CHRNG: variants seen among roughly 807,000 people sequenced by gnomAD.
CHRNG encodes acetylcholine receptor subunit gamma.
CHRNG carries 72 observed loss-of-function variants against 65.2 expected under a neutral mutation model. That is an observed-to-expected ratio of 1.10 (90% confidence interval 0.91 to 1.34). The LOEUF is 1.34. Among genes scored for constraint, CHRNG ranks in the 40% most tolerant of loss-of-function variants. The pLI is 0.00. For missense variants in CHRNG, 637 were observed against 680.1 expected (o/e 0.94, Z 0.70); for synonymous variants, 284 against 290.2 (o/e 0.98, Z 0.22).
In CHRNG at chr2:232,544,405, C is replaced by T. The variant is rs761581720; in HGVS notation, c.1074C>T (p.His358=). 1.2e-5 allele frequency: 20 copies of T among 1,613,418 alleles called. No homozygotes were observed. Among genetic ancestry groups the T allele is most frequent in the South Asian group, 8.8e-5 (8 of 91,092 alleles). Residue 358 remains histidine, a synonymous_variant, in exon 10 of 12, where the codon CAC becomes CAT. Transcript: ENST00000651502. The stretch of plus-strand genomic sequence containing the variant: ...TCTTGCCCCAGCTGCTGAGGATGCA[C>T]GTTCGCCCGCTGGCCCCGGCAGCTG... ...LRLLPQLLRM[H]VRPLAPAAVQ... is the part of the protein sequence containing the mutation.
At chr2:232,544,682 G>A in intron 10 of CHRNG, 90 bp from the exon 11 acceptor site, 1 of 1,568,528 alleles carries the variant, frequency 6.4e-7, no homozygotes, top group Non-Finnish European at 8.8e-7. Flanking sequence ...AGGTCAGGGA[G>A]AGAGGAGCTG....
At position 232,540,607 on chromosome 2, in the gene CHRNG, G is replaced by A; in HGVS notation, c.246G>A (p.Trp82Ter). The A allele has an allele frequency of 6.2e-7, 1 of 1,611,616 alleles. No homozygotes were observed. The highest frequency in any genetic ancestry group is 8.5e-7 in the Non-Finnish European group (1 of 1,179,870). ...LTTNVWIEMQ[W>*]CDYRLRWDPR... Reference sequence around the variant, plus strand: ...AACTGCCCCTCCCCCTGCAGCAGTGGTGCGACTATCGCCTGCGCTGGGATC... The same window carrying A: ...AACTGCCCCTCCCCCTGCAGCAGTGATGCGACTATCGCCTGCGCTGGGATC... The change falls in exon 4 of 12, where the codon TGG becomes TGA. Residue 82 changes from tryptophan (W) to a stop codon, truncating the protein, a stop_gained. Coordinates refer to ENST00000651502, the MANE Select transcript of CHRNG (RefSeq NM_005199.5). LOFTEE classifies it high-confidence loss of function. The surrounding 1 kb of genome is among the most constrained non-coding windows in gnomAD (Gnocchi z 4.2).
rs1304422315 is a variant in CHRNG at position 232,541,623 on chromosome 2, C to T, written c.506+94C>T. ...GCCTGGGCAAGGCTTCTGGCCTTGG[C>T]TCTGGCAGCACCTAGAGGCCTGGCT... On this transcript the variant is annotated intron_variant, in intron 5 of 11. Coordinates refer to ENST00000651502, the MANE Select transcript of CHRNG (RefSeq NM_005199.5). This position sits in a 1 kb window ranked among gnomAD's most constrained non-coding sequence, Gnocchi z 4.0. 2.0e-6 allele frequency: 3 copies of T among 1,485,892 alleles called. No individual in the cohort carries two copies. The highest frequency in any genetic ancestry group is 2.8e-6 in the Non-Finnish European group (3 of 1,076,442). 92.0% of individuals were successfully genotyped at this position (1,485,892 alleles called of 1,614,324 possible).
At chr2:232,545,443 A>G (rs1183203001) in intron 11 of CHRNG, 100 bp from the exon 12 acceptor site, 2 of 1,100,288 alleles carry the variant, frequency 1.8e-6, no homozygotes, top group Non-Finnish European at 2.7e-6. Context: ...GGCCCCAGGA[A>G]ATGGAGACAT....
rs560260408 is a variant in CHRNG at position 232,540,863 on chromosome 2, G to A, written c.350+152G>A. ...GGAAGAACTGGATGGAGCAGGTGCC[G>A]AGGGCAGGGCCCTGGGTATGCCCTC... On this transcript the variant is annotated intron_variant, in intron 4 of 11. Transcript: ENST00000651502. This position sits in a 1 kb window ranked among gnomAD's most constrained non-coding sequence, Gnocchi z 4.2. 41 of 745,134 alleles carry A rather than the reference G, an allele frequency of 5.5e-5. 1 individual carries two copies. Among genetic ancestry groups the A allele is most frequent in the South Asian group, 3.1e-4 (19 of 60,564 alleles). The allele number at this position is 745,134 out of a possible 1,614,324, so 46.2% of individuals were successfully genotyped here. A position where few individuals can be genotyped will look rare whatever the true frequency, so the allele number is the denominator to read the frequency against.
chr2:232,541,297 C>T lies in CHRNG; in HGVS notation c.351-77C>T, dbSNP rs1053900168. The T allele has an allele frequency of 1.9e-6, 3 of 1,569,910 alleles. No homozygotes were observed. The highest frequency in any genetic ancestry group is 2.6e-6 in the Non-Finnish European group (3 of 1,144,224). On this transcript the variant is annotated intron_variant, in intron 4 of 11. Transcript: ENST00000651502. This position sits in a 1 kb window ranked among gnomAD's most constrained non-coding sequence, Gnocchi z 4.0. ...TCCCCAGGCCCCTATCCACATGGGG[C>T]ACAGGGGCTGGTCTGGGGCTGGGGT...
In CHRNG at chr2:232,546,851, A is replaced by G. The variant is rs1692142619; in HGVS notation, c.*1135A>G. Among the ~76,000 whole-genome samples, 1 of 152,154 alleles carries G rather than the reference A, an allele frequency of 6.6e-6. No homozygotes were observed. ...AGGCCCTTCTTCCCAAAGGATGGTT[A>G]AGACAAGGAAGAGCTAGGCAAGAGG... On this transcript the variant is annotated 3_prime_UTR_variant, in exon 12 of 12. Transcript: ENST00000651502.
At position 232,540,234 on chromosome 2, in the gene CHRNG, C is replaced by T. The variant is rs1196376019; in HGVS notation, c.195+103C>T. The T allele has an allele frequency of 7.5e-6, 12 of 1,605,250 alleles. No homozygotes were observed. Among genetic ancestry groups the T allele is most frequent in the East Asian group, 4.5e-5 (2 of 44,794 alleles). ...ACCAAGAGGTTGGAGGGCCCTAAAT[C>T]GGACAGGCTGGGGTCTGGAAAACCC... On this transcript the variant is annotated intron_variant, in intron 2 of 11. Transcript: ENST00000651502. The surrounding 1 kb of genome is among the most constrained non-coding windows in gnomAD (Gnocchi z 4.2).
intron 1 of CHRNG, 61 bp downstream of exon 1, chr2:232,539,863 G>T: frequency 6.2e-7 from 1 of 1,609,082 alleles, no homozygotes; most frequent in Non-Finnish European, 8.5e-7. Flanking sequence ...AGCCTCAGGG[G>T]ATGGAGGGTC....
chr2:232,540,207 C>A lies in CHRNG; in HGVS notation c.195+76C>A. The A allele has an allele frequency of 1.9e-6, 3 of 1,612,384 alleles. No individual in the cohort carries two copies. Among genetic ancestry groups the A allele is most frequent in the Non-Finnish European group, 2.5e-6 (3 of 1,178,844 alleles). ...TGGGGATAGCATGGGGTGGCTCCAG[C>A]CACCAAGAGGTTGGAGGGCCCTAAA... On this transcript the variant is annotated intron_variant, in intron 2 of 11. Coordinates refer to ENST00000651502, the MANE Select transcript of CHRNG (RefSeq NM_005199.5). This position sits in a 1 kb window ranked among gnomAD's most constrained non-coding sequence, Gnocchi z 4.2.
Position 232,541,112 on chromosome 2 carries a change from A to G in CHRNG, c.351-262A>G, listed in dbSNP as rs1175569069. Among the ~76,000 whole-genome samples the G allele has an allele frequency of 3.7e-3, 557 of 151,074 alleles. 2 individuals are homozygous for G. The highest frequency in any genetic ancestry group is 0.013 in the African/African-American group (519 of 41,048). On this transcript the variant is annotated intron_variant, in intron 4 of 11. Transcript: ENST00000651502. This position sits in a 1 kb window ranked among gnomAD's most constrained non-coding sequence, Gnocchi z 4.0. ...TATTATGACTATTATTATTATTATT[A>G]TTATTATGATTAAAACAAGAGAGAG...
chr2:232,546,036 A>C lies in CHRNG; in HGVS notation c.*320A>C, dbSNP rs1692127430. ...GCATTATTCATTCCCATCAGTCTGA[A>C]GCCCGAAGGACTGTTTTGTATAATA... On this transcript the variant is annotated 3_prime_UTR_variant, in exon 12 of 12. Coordinates refer to ENST00000651502, the MANE Select transcript of CHRNG (RefSeq NM_005199.5). 3 of 457,234 alleles carry C rather than the reference A, an allele frequency of 6.6e-6. No homozygotes were observed. The highest frequency in any genetic ancestry group is 1.2e-5 in the Non-Finnish European group (3 of 245,528). The allele number at this position is 457,234 out of a possible 1,614,324, so 28.3% of individuals were successfully genotyped here.
chr2:232,542,573 AC>A, intron 6 of CHRNG, 53 bp downstream of exon 6: 1 of 1,278,120 alleles, frequency 7.8e-7, no homozygotes, highest in Non-Finnish European at 1.1e-6. Flanking sequence ...CTCCTGCTGG[AC>A]CCAGCTGTGG....
In CHRNG at chr2:232,541,543, T is replaced by C. The variant is rs200980501; in HGVS notation, c.506+14T>C. ...CCTTATCTTCCAGTGAGGCCATTTA[T>C]TGGGGAGGATTAAGAGAGCTGCTCT... is the stretch of plus-strand genomic sequence containing the variant. On this transcript the variant is annotated intron_variant, in intron 5 of 11. Transcript: ENST00000651502. This position sits in a 1 kb window ranked among gnomAD's most constrained non-coding sequence, Gnocchi z 4.0. 5.8e-5 allele frequency: 94 copies of C among 1,612,700 alleles called. 1 individual carries two copies. The African/African-American group carries it at 9.9e-4, about 17-fold the overall frequency.
rs202064907 is a variant in CHRNG at position 232,542,879 on chromosome 2, C to T, written c.605-3C>T. On this transcript the variant is annotated splice_region_variant and splice_polypyrimidine_tract_variant and intron_variant, in intron 6 of 11. Coordinates refer to ENST00000651502, the MANE Select transcript of CHRNG (RefSeq NM_005199.5). Reference sequence around the variant, plus strand: ...CCACTCCTGCCTGCCTGCCTGCCCGCAGAGAATGGGGAGTGGGCCATCCAG... The same window carrying T: ...CCACTCCTGCCTGCCTGCCTGCCCGTAGAGAATGGGGAGTGGGCCATCCAG... 7.0e-5 allele frequency: 113 copies of T among 1,612,500 alleles called. No individual in the cohort carries two copies. Among genetic ancestry groups the T allele is most frequent in the Non-Finnish European group, 9.5e-5 (112 of 1,179,748 alleles).
chr2:232,546,308 CTTTTTTTTTT>C lies in CHRNG; in HGVS notation c.*603_*612del, dbSNP rs57021172. On this transcript the variant is annotated 3_prime_UTR_variant, in exon 12 of 12. Coordinates refer to ENST00000651502, the MANE Select transcript of CHRNG (RefSeq NM_005199.5). ...ACGATTTCCTGAGTTTTGTAATCCTCTTTTTTTTTTTTTTTTTTTTAGTTTTTGATGTGTT... is the reference window on the plus strand; with the variant it reads ...ACGATTTCCTGAGTTTTGTAATCCTCTTTTTTTTTTAGTTTTTGATGTGTT... 2 of 94,708 alleles carry C rather than the reference CTTTTTTTTTT, an allele frequency of 2.1e-5. No individual in the cohort carries two copies. The highest frequency in any genetic ancestry group is 7.7e-5 in the African/African-American group (2 of 26,116). 5.9% of individuals were successfully genotyped at this position (94,708 alleles called of 1,614,324 possible). A position where few individuals can be genotyped will look rare whatever the true frequency, so the allele number is the denominator to read the frequency against.
chr2:232,546,634 G>A lies in CHRNG; in HGVS notation c.*918G>A, dbSNP rs977456574. Among the ~76,000 whole-genome samples the A allele has an allele frequency of 2.0e-5, 3 of 152,034 alleles. No homozygotes were observed. The highest frequency in any genetic ancestry group is 7.3e-5 in the African/African-American group (3 of 41,374). On this transcript the variant is annotated 3_prime_UTR_variant, in exon 12 of 12. Transcript: ENST00000651502. ...TTACAGGCATAAGCCACTGTACCTG[G>A]CCTCCTTTTTAATTAAGAGCTCCTC...
chr2:232,545,094 T>G (rs1318938808), intron 11 of CHRNG, among the ~76,000 whole-genome samples, 192 bp downstream of exon 11: 1 of 151,986 alleles, frequency 6.6e-6, no homozygotes, highest in African/African-American at 2.4e-5. Flanking sequence ...GTCAGGAGTT[T>G]GAGACCAGCC....
intron 9 of CHRNG, 49 bp downstream of exon 9, chr2:232,543,748 C>A (rs73995686): frequency 2.6e-6 from 3 of 1,144,758 alleles, no homozygotes; most frequent in Admixed American, 3.4e-5. Flanking sequence ...CACTCCCCTA[C>A]GCCTCCCTCT....
Sources: gnomAD v4.1 joint callset for allele counts (sites outside exome capture counted in the v4.1 genomes callset) on GRCh38, gnomAD v4.1.1 for gene constraint, Gnocchi (gnomAD v3.1) non-coding constraint, MANE v1.5 for transcripts, NCBI Gene and HGNC (gene_info 2026-07-23, HGNC 2026-07-21) for gene names.